Variants in NEGR1 observed in about 807,000 individuals in gnomAD.
NEGR1 encodes neuronal growth regulator 1.
In NEGR1, 10 loss-of-function variants were observed where a neutral mutation model predicts 40.9. The ratio of observed to expected loss-of-function variants is 0.24; its 90% CI spans 0.15 to 0.42. NEGR1 has a LOEUF of 0.42. Among genes scored for constraint, NEGR1 ranks in the 10% least tolerant of loss-of-function variants. The pLI, the probability that NEGR1 is intolerant of heterozygous loss-of-function variation, is 1.00. For synonymous variants in NEGR1, 185 were observed against 166.8 expected (o/e 1.11, Z -0.84); for missense variants, 352 against 438.9 (o/e 0.80, Z 1.77).
At chr1:72,065,043 G>A (rs371478420) in intron 1 of NEGR1, among the ~76,000 whole-genome samples, 3 of 151,794 alleles carry the variant, frequency 2.0e-5, no homozygotes, top group African/African-American at 2.4e-5. Flanking sequence ...AGTATTCCAA[G>A]AAAACAACTC....
intron 1 of NEGR1, among the ~76,000 whole-genome samples, chr1:72,209,408 A>G (rs1477056103): frequency 6.6e-6 from 1 of 151,616 alleles, no homozygotes; most frequent in African/African-American, 2.4e-5. Flanking sequence ...TATGATTCTA[A>G]TTGGTCTCTT....
intron 6 of NEGR1, among the ~76,000 whole-genome samples, chr1:71,471,658 A>G (rs1412682904): frequency 3.1e-5 from 2 of 65,040 alleles, no homozygotes; most frequent in African/African-American, 1.1e-4. Context: ...CAAAACAACA[A>G]CAACAAAAAA....
intron 1 of NEGR1, among the ~76,000 whole-genome samples, chr1:71,976,968 T>C (rs1156367633): frequency 6.6e-6 from 1 of 152,188 alleles, no homozygotes; most frequent in African/African-American, 2.4e-5. Flanking sequence ...TAAGGCACAT[T>C]CAATATGGAA....
At chr1:71,843,348 C>T (rs941847892) in intron 2 of NEGR1, among the ~76,000 whole-genome samples, 3 of 152,142 alleles carry the variant, frequency 2.0e-5, no homozygotes, top group Non-Finnish European at 4.4e-5. Flanking sequence ...AACAAAGCAA[C>T]TTGAAGTATA....
chr1:71,747,082 C>T (rs1655410043), intron 3 of NEGR1, among the ~76,000 whole-genome samples: 1 of 152,138 alleles, frequency 6.6e-6, no homozygotes, highest in African/African-American at 2.4e-5. Context: ...GGGAGGCTAT[C>T]TTACTTATGA....
At chr1:71,935,762 T>C (rs1035575192) in intron 1 of NEGR1, among the ~76,000 whole-genome samples, 1 of 152,110 alleles carries the variant, frequency 6.6e-6, no homozygotes, top group Non-Finnish European at 1.5e-5. Context: ...GCAGAAATCA[T>C]AGACTCATAT....
chr1:71,785,622 A>G (rs1337500944), intron 2 of NEGR1, among the ~76,000 whole-genome samples: 1 of 152,186 alleles, frequency 6.6e-6, no homozygotes, highest in Non-Finnish European at 1.5e-5. Context: ...ATGTGCCAAC[A>G]AATACCCTTT....
intron 6 of NEGR1, among the ~76,000 whole-genome samples, chr1:71,565,150 C>T (rs1648579477): frequency 6.6e-6 from 1 of 152,130 alleles, no homozygotes; most frequent in Non-Finnish European, 1.5e-5. Flanking sequence ...GGTGGTTCCT[C>T]GTAGGAAGCC....
At chr1:71,732,492 C>CTGTGTG (rs141925137) in intron 3 of NEGR1, among the ~76,000 whole-genome samples, 8,043 of 147,066 alleles carry the variant, frequency 0.055, 371 homozygotes, top group Admixed American at 0.18. Context: ...TTACTGAATG[C>CTGTGTG]TGTGTGTGTG....
At chr1:71,572,233 T>C (rs1293470750) in intron 6 of NEGR1, among the ~76,000 whole-genome samples, 2 of 152,158 alleles carry the variant, frequency 1.3e-5, no homozygotes, top group Non-Finnish European at 2.9e-5. Flanking sequence ...AAATTACCCA[T>C]TAGTCTTGCA....
At chr1:72,237,114 T>G (rs1001464823) in intron 1 of NEGR1, among the ~76,000 whole-genome samples, 5 of 151,940 alleles carry the variant, frequency 3.3e-5, no homozygotes, top group African/African-American at 1.2e-4. Flanking sequence ...AAGGTTAAAG[T>G]AGAGAAAAGT....
intron 1 of NEGR1, among the ~76,000 whole-genome samples, chr1:72,154,623 T>A (rs191792581): frequency 7.9e-5 from 12 of 152,066 alleles, no homozygotes; most frequent in African/African-American, 2.6e-4. Flanking sequence ...ATGGAAAAAA[T>A]TTTACTTCAC....
intron 1 of NEGR1, among the ~76,000 whole-genome samples, chr1:72,215,446 A>C (rs1383878658): frequency 6.6e-6 from 1 of 152,152 alleles, no homozygotes; most frequent in African/African-American, 2.4e-5. Context: ...GATTGGGAGA[A>C]AATTTTTGCA....
chr1:71,928,466 TTATA>T (rs1305347355), intron 2 of NEGR1, among the ~76,000 whole-genome samples: 2 of 86,548 alleles, frequency 2.3e-5, no homozygotes, highest in Admixed American at 1.3e-4. Flanking sequence ...ACACACATAC[TTATA>T]TATACACATA....
intron 2 of NEGR1, among the ~76,000 whole-genome samples, chr1:71,868,974 C>A (rs140234818): frequency 1.3e-4 from 20 of 152,236 alleles, no homozygotes; most frequent in African/African-American, 4.6e-4. Flanking sequence ...ACCTCAATTT[C>A]TCCTAGGAAT....
chr1:71,766,421 A>G (rs1163317703), intron 3 of NEGR1, among the ~76,000 whole-genome samples: 4 of 152,210 alleles, frequency 2.6e-5, no homozygotes, highest in Non-Finnish European at 5.9e-5. Context: ...TTATCAAAAC[A>G]TTAAGCATAC....
chr1:72,141,660 G>A (rs564562577), intron 1 of NEGR1, among the ~76,000 whole-genome samples: 1 of 152,026 alleles, frequency 6.6e-6, no homozygotes, highest in East Asian at 1.9e-4. Flanking sequence ...TTTGATTGAT[G>A]GAATTCTTTG....
intron 6 of NEGR1, among the ~76,000 whole-genome samples, chr1:71,456,489 A>C (rs1038862662): frequency 6.6e-6 from 1 of 152,192 alleles, no homozygotes; most frequent in Admixed American, 6.5e-5. Context: ...TAGAAAGCAC[A>C]TTATCCAGAT....
At position 72,173,218 on chromosome 1, in the gene NEGR1, G is replaced by A. The variant is rs908632249; in HGVS notation, c.176+109101C>T. Among the ~76,000 whole-genome samples the A allele has an allele frequency of 2.0e-5, 3 of 150,636 alleles. No individual in the cohort carries two copies. The Admixed American group carries it at 2.0e-4, about 10-fold the overall frequency. The stretch of plus-strand genomic sequence containing the variant: ...AGACAGGGTTTTGCCATGTTGCCCA[G>A]AATGGTCTCAAACTCCTGAGTTCAA... On this transcript the variant is annotated intron_variant, in intron 1 of 6. Coordinates refer to ENST00000357731, the MANE Select transcript of NEGR1 (RefSeq NM_173808.3).
Sources: allele counts gnomAD v4.1 joint callset (sites outside exome capture counted in the v4.1 genomes callset), GRCh38; gene constraint gnomAD v4.1.1; transcripts MANE v1.5; gene names NCBI Gene and HGNC (gene_info 2026-07-23, HGNC 2026-07-21).